EIF2A: variants seen among roughly 807,000 people sequenced by gnomAD.
EIF2A encodes the protein eukaryotic translation initiation factor 2A.
A neutral mutation model predicts 75.2 loss-of-function variants in EIF2A; 62 were observed. The ratio of observed to expected loss-of-function variants is 0.82; its 90% confidence interval spans 0.67 to 1.02. The LOEUF (loss-of-function observed/expected upper bound fraction) is 1.02, where lower values mean the gene tolerates loss of function less well. EIF2A is among the 50% of genes least tolerant of loss of function. EIF2A has a pLI of 0.00. For missense variants in EIF2A, 611 were observed against 677.7 expected (o/e 0.90, Z 1.09); for synonymous variants, 207 against 239.0 (o/e 0.87, Z 1.23).
chr3:150,574,770 T>G (rs900598066), intron 10 of EIF2A, among the ~76,000 whole-genome samples: 1 of 152,240 alleles, frequency 6.6e-6, no homozygotes. Context: ...ATAGAACTTA[T>G]AAGTAAAATG....
In EIF2A at chr3:150,583,944, T is replaced by G; in HGVS notation, c.*33T>G. The stretch of plus-strand genomic sequence containing the variant: ...CGGAAAGCAAGTTGATGACCAGAAA[T>G]CAGTGCAAACACATCTTCTGTTAAA... On this transcript the variant is annotated 3_prime_UTR_variant, in exon 14 of 14. Coordinates refer to ENST00000460851, the MANE Select transcript of EIF2A (RefSeq NM_032025.5). 2 of 1,606,670 alleles carry G rather than the reference T, an allele frequency of 1.2e-6. No homozygotes were observed. The highest frequency in any genetic ancestry group is 1.7e-6 in the Non-Finnish European group (2 of 1,173,542).
At chr3:150,570,161 T>G (rs1724426642) in intron 9 of EIF2A, among the ~76,000 whole-genome samples, 1 of 152,130 alleles carries the variant, frequency 6.6e-6, no homozygotes, top group African/African-American at 2.4e-5. Flanking sequence ...AAAAAGACTT[T>G]TTAAACAAGA....
In EIF2A at chr3:150,570,184, G is replaced by A. The variant is rs188403774; in HGVS notation, c.812-1774G>A. Among the ~76,000 whole-genome samples the A allele has an allele frequency of 2.3e-3, 349 of 151,992 alleles. 1 individual carries two copies. Among genetic ancestry groups the A allele is most frequent in the African/African-American group, 8.2e-3 (340 of 41,446 alleles). On this transcript the variant is annotated intron_variant, in intron 9 of 13. Coordinates refer to ENST00000460851, the MANE Select transcript of EIF2A (RefSeq NM_032025.5). Reference sequence around the variant, plus strand: ...TTTTTAAACAAGATAGAAGTACTAAGGGGAAAAAATAATGAATTTGACTAG... The same window carrying A: ...TTTTTAAACAAGATAGAAGTACTAAAGGGAAAAAATAATGAATTTGACTAG...
intron 10 of EIF2A, among the ~76,000 whole-genome samples, chr3:150,572,857 A>AC (rs1202676394): frequency 3.2e-4 from 43 of 133,182 alleles, no homozygotes; most frequent in Admixed American, 4.4e-4. Context: ...CTCCGTCTCA[A>AC]AAAAAAAAAA....
rs1725440981 is a variant in EIF2A at position 150,585,701 on chromosome 3, T to A, written c.*1790T>A. On this transcript the variant is annotated 3_prime_UTR_variant, in exon 14 of 14. Coordinates refer to ENST00000460851, the MANE Select transcript of EIF2A (RefSeq NM_032025.5). ...ATATATGGACAGGAAGTTAATAGAC[T>A]GACTGTGCCACCTTAAAACTCGTAT... Among the ~76,000 whole-genome samples the A allele has an allele frequency of 6.6e-6, 1 of 152,214 alleles. No homozygotes were observed.
chr3:150,552,445 G>A lies in EIF2A; in HGVS notation c.98+20G>A, dbSNP rs1296347716. ...TCCAAGGTATGATTTATTTTGTTAA[G>A]TAATGTTATAGGGAACATACAGTAC... On this transcript the variant is annotated intron_variant, in intron 2 of 13. Transcript: ENST00000460851. The A allele has an allele frequency of 5.2e-6, 8 of 1,546,878 alleles. No homozygotes were observed. Among genetic ancestry groups the A allele is most frequent in the Non-Finnish European group, 7.0e-6 (8 of 1,143,208 alleles).
In EIF2A at chr3:150,546,814, C is replaced by G; in HGVS notation, c.12C>G (p.Ser4=). 2 of 1,612,526 alleles carry G rather than the reference C, an allele frequency of 1.2e-6. No individual in the cohort carries two copies. The highest frequency in any genetic ancestry group is 1.7e-6 in the Non-Finnish European group (2 of 1,179,898). Residue 4 remains serine (S), a synonymous_variant, in exon 1 of 14, where the codon TCC becomes TCG. Transcript: ENST00000460851. The part of the protein sequence containing the change: MAP[S]TPLLTVRGSE... ...CTTTCCGGGACAACATGGCGCCGTC[C>G]ACGCCGCTCTTGACAGGTGAGTTCT... is the stretch of plus-strand genomic sequence containing the variant.
At chr3:150,573,508 T>C (rs1159155125) in intron 10 of EIF2A, among the ~76,000 whole-genome samples, 1 of 152,220 alleles carries the variant, frequency 6.6e-6, no homozygotes, top group Non-Finnish European at 1.5e-5. Context: ...CGCCTTGGCC[T>C]CCCAAAGTGC....
chr3:150,553,874 AAC>A (rs975092050), intron 2 of EIF2A, among the ~76,000 whole-genome samples: 6 of 152,200 alleles, frequency 3.9e-5, no homozygotes, highest in Non-Finnish European at 5.9e-5. Context: ...CCTTTCATAA[AAC>A]ATTTGCATTT....
At chr3:150,551,183 G>A (rs1165518802) in intron 1 of EIF2A, among the ~76,000 whole-genome samples, 1 of 152,056 alleles carries the variant, frequency 6.6e-6, no homozygotes, top group African/African-American at 2.4e-5. Flanking sequence ...TATACCCTCA[G>A]TGGTACCATA....
In EIF2A at chr3:150,585,840, C is replaced by A. The variant is rs1276136135; in HGVS notation, c.*1929C>A. Among the ~76,000 whole-genome samples, 1 of 152,080 alleles carries A rather than the reference C, an allele frequency of 6.6e-6. No individual in the cohort carries two copies. Among genetic ancestry groups the A allele is most frequent in the Non-Finnish European group, 1.5e-5 (1 of 68,014 alleles). ...CTTCGTGATGGGATTATTGTCCTTA[C>A]AAGAAAAGACACCAGAGAGCTTGTT... On this transcript the variant is annotated 3_prime_UTR_variant, in exon 14 of 14. Transcript: ENST00000460851.
At chr3:150,575,984 G>T (rs1724841836) in intron 11 of EIF2A, among the ~76,000 whole-genome samples, 1 of 152,110 alleles carries the variant, frequency 6.6e-6, no homozygotes, top group Non-Finnish European at 1.5e-5. Flanking sequence ...GGAGGCTGAG[G>T]CAGGAGAATT....
In EIF2A at chr3:150,574,209, T is replaced by C. The variant is rs552763406; in HGVS notation, c.1384-1440T>C. On this transcript the variant is annotated intron_variant, in intron 10 of 13. Coordinates refer to ENST00000460851, the MANE Select transcript of EIF2A (RefSeq NM_032025.5). ...AAAAACAGTCCCATAATAATTGATA[T>C]AACTGAATAAACAAAGTTTATTAAT... Among the ~76,000 whole-genome samples the C allele has an allele frequency of 9.9e-4, 150 of 152,276 alleles. 1 individual carries two copies. In the Middle Eastern group the frequency reaches 0.01, roughly 10 times the overall value.
intron 11 of EIF2A, among the ~76,000 whole-genome samples, chr3:150,580,288 G>T (rs1725103948): frequency 6.6e-6 from 1 of 152,074 alleles, no homozygotes; most frequent in African/African-American, 2.4e-5. Context: ...ATCCTGGAGG[G>T]GCAGAGCTAT....
At chr3:150,553,039 G>C (rs923248666) in intron 2 of EIF2A, among the ~76,000 whole-genome samples, 1 of 152,110 alleles carries the variant, frequency 6.6e-6, no homozygotes, top group African/African-American at 2.4e-5. Context: ...ATTAAAAGCT[G>C]GGCCCGGTGG....
chr3:150,567,123 A>G (rs1724228012), intron 6 of EIF2A: 1 of 152,146 alleles, frequency 6.6e-6, no homozygotes, highest in African/African-American at 2.4e-5. Flanking sequence ...TTGAACAAAG[A>G]AAGTATATTA....
At position 150,585,035 on chromosome 3, in the gene EIF2A, A is replaced by C. The variant is rs1133494; in HGVS notation, c.*1124A>C. Reference sequence around the variant, plus strand: ...TTAAAAAAAAAAGATGGCATATACTAACTGTTCTGTTTGGGGCTTTTTGGT... The same window carrying C: ...TTAAAAAAAAAAGATGGCATATACTCACTGTTCTGTTTGGGGCTTTTTGGT... On this transcript the variant is annotated 3_prime_UTR_variant, in exon 14 of 14. Coordinates refer to ENST00000460851, the MANE Select transcript of EIF2A (RefSeq NM_032025.5). Among the ~76,000 whole-genome samples the C allele has an allele frequency of 0.69, 104,543 of 151,818 alleles. 36,460 individuals carry two copies. Among genetic ancestry groups the C allele is most frequent in the East Asian group, 0.91 (4,691 of 5,160 alleles).
At chr3:150,555,560 G>A (rs1723516764) in intron 2 of EIF2A, among the ~76,000 whole-genome samples, 1 of 151,094 alleles carries the variant, frequency 6.6e-6, no homozygotes, top group Admixed American at 6.6e-5. Flanking sequence ...ACCCGGCCAT[G>A]TATGCACATT....
At chr3:150,568,601 C>A (rs1724327272) in intron 9 of EIF2A, among the ~76,000 whole-genome samples, 1 of 152,110 alleles carries the variant, frequency 6.6e-6, no homozygotes, top group East Asian at 1.9e-4. Flanking sequence ...TTGCTTAATA[C>A]TGTCTTTAGA....
Sources: gnomAD v4.1 joint callset for allele counts (sites outside exome capture counted in the v4.1 genomes callset) on GRCh38, gnomAD v4.1.1 for gene constraint, MANE v1.5 for transcripts, NCBI Gene and HGNC (gene_info 2026-07-23, HGNC 2026-07-21) for gene names.